Variants in ZSCAN25 observed in about 807,000 individuals in gnomAD.
The protein encoded by ZSCAN25 is zinc finger and SCAN domain containing 25.
Under a neutral mutation model 38.7 loss-of-function variants are expected in ZSCAN25, and 27 were observed. The observed-to-expected ratio is 0.70, with a 90% CI of 0.51 to 0.96. The LOEUF (loss-of-function observed/expected upper bound fraction) is 0.96. ZSCAN25 is among the 40% of genes least tolerant of loss of function. ZSCAN25 has a pLI of 0.00. For missense variants in ZSCAN25, 637 were observed against 705.9 expected, an observed-to-expected ratio of 0.90 and a Z score of 1.11; for synonymous variants, 273 against 277.7, an observed-to-expected ratio of 0.98 and a Z score of 0.17.
chr7:99,728,686 T>G, the ZSCAN25 span, among the ~76,000 whole-genome samples: 108,661 of 152,146 alleles, frequency 0.71, 44,243 homozygotes, highest in Non-Finnish European at 0.91. Flanking sequence ...CAAATGGGAC[T>G]GAACAACTTC....
At chr7:99,731,316 G>T in the ZSCAN25 span, among the ~76,000 whole-genome samples, 16 of 152,162 alleles carry the variant, frequency 1.1e-4, no homozygotes, top group Admixed American at 9.8e-4. Context: ...TTGTTCATCA[G>T]GTCCTTTCAT....
the ZSCAN25 span, among the ~76,000 whole-genome samples, chr7:99,680,476 T>C: frequency 1.3e-5 from 2 of 152,328 alleles, no homozygotes; most frequent in African/African-American, 4.8e-5. Flanking sequence ...CACAGTCCTA[T>C]TGTCCTCTTT....
chr7:99,645,764 ATGTC>A, the ZSCAN25 span, among the ~76,000 whole-genome samples: 1 of 152,184 alleles, frequency 6.6e-6, no homozygotes, highest in Non-Finnish European at 1.5e-5. Flanking sequence ...CTTTTGAAAA[ATGTC>A]TGTTCATGTC....
At chr7:99,713,212 G>A in the ZSCAN25 span, among the ~76,000 whole-genome samples, 2 of 152,170 alleles carry the variant, frequency 1.3e-5, no homozygotes, top group Non-Finnish European at 2.9e-5. Flanking sequence ...TTGATCTTAT[G>A]TAGGTGATCC....
chr7:99,709,083 TGAA>T, the ZSCAN25 span: 294 of 1,613,880 alleles, frequency 1.8e-4, no homozygotes, highest in Non-Finnish European at 2.3e-4. Flanking sequence ...TGGGTCATGA[TGAA>T]GAACATAGCT....
downstream of ZSCAN25, among the ~76,000 whole-genome samples, chr7:99,632,989 G>GTTTTTTTTTTT (rs751799800): frequency 7.8e-6 from 1 of 128,528 alleles, no homozygotes; most frequent in Non-Finnish European, 1.6e-5. Context: ...ATTTTCTGTT[G>GTTTTTTTTTTT]TTTTTTTTTT....
the ZSCAN25 span, chr7:99,665,141 GAGAA>G: frequency 6.5e-7 from 1 of 1,547,530 alleles, no homozygotes; most frequent in African/African-American, 1.4e-5. Context: ...TTTAAAAAGA[GAGAA>G]AGAAATAATA....
the ZSCAN25 span, among the ~76,000 whole-genome samples, chr7:99,646,562 T>C: frequency 2.0e-5 from 3 of 152,190 alleles, no homozygotes; most frequent in African/African-American, 7.2e-5. Flanking sequence ...CATTTCCAAA[T>C]ACCATTTAGA....
chr7:99,717,225 C>T, the ZSCAN25 span: 1 of 1,613,966 alleles, frequency 6.2e-7, no homozygotes, highest in Admixed American at 1.7e-5. Context: ...CCTCAGATTT[C>T]TCACCAACAC....
the ZSCAN25 span, chr7:99,638,108 C>A: frequency 1.8e-4 from 162 of 903,092 alleles, no homozygotes; most frequent in African/African-American, 1.9e-3. Context: ...CCTCTCCCCC[C>A]AAACTGTAGA....
the ZSCAN25 span, chr7:99,676,294 C>T: frequency 8.8e-6 from 14 of 1,596,750 alleles, no homozygotes; most frequent in South Asian, 1.2e-4. Flanking sequence ...CTGGAATGGT[C>T]AAGAGAGGGA....
the ZSCAN25 span, chr7:99,659,567 C>G: frequency 6.5e-6 from 1 of 153,542 alleles, no homozygotes; most frequent in Non-Finnish European, 1.4e-5. Context: ...AGATCTCCAG[C>G]TGTGTGCTGG....
chr7:99,646,837 C>CACAT, the ZSCAN25 span, among the ~76,000 whole-genome samples: 48 of 148,710 alleles, frequency 3.2e-4, 1 homozygote, highest in South Asian at 9.8e-3. Context: ...CACACACACA[C>CACAT]ATGCATGCTC....
chr7:99,716,185 A>C, the ZSCAN25 span, among the ~76,000 whole-genome samples: 1 of 152,204 alleles, frequency 6.6e-6, no homozygotes, highest in Non-Finnish European at 1.5e-5. Flanking sequence ...GAGATCCACT[A>C]TCAGACAACT....
At chr7:99,722,283 C>T in the ZSCAN25 span, 3 of 1,613,460 alleles carry the variant, frequency 1.9e-6, no homozygotes, top group Non-Finnish European at 2.5e-6. Flanking sequence ...ATGGAATCTT[C>T]CAGAATACTC....
the ZSCAN25 span, chr7:99,676,317 A>G: frequency 1.9e-6 from 3 of 1,573,346 alleles, no homozygotes; most frequent in South Asian, 1.1e-5. Flanking sequence ...TAATATGTAC[A>G]CGATAAATAA....
the ZSCAN25 span, among the ~76,000 whole-genome samples, chr7:99,641,166 A>G: frequency 2.0e-5 from 3 of 152,186 alleles, no homozygotes; most frequent in Admixed American, 2.0e-4. Flanking sequence ...AGACTGGGTA[A>G]TTTATAAAGG....
chr7:99,622,520 T>C (rs368877156), intron 5 of ZSCAN25, 29 bp from the exon 6 acceptor site: 98 of 1,605,438 alleles, frequency 6.1e-5, no homozygotes, highest in Non-Finnish European at 7.8e-5. Context: ...ATCCTTCTGA[T>C]CTTTCTCATG....
chr7:99,667,251 G>T, the ZSCAN25 span, among the ~76,000 whole-genome samples: 4 of 151,872 alleles, frequency 2.6e-5, no homozygotes, highest in Non-Finnish European at 5.9e-5. Context: ...TGTATGTGGG[G>T]CGGGGGTGGG....
Sources: allele counts gnomAD v4.1 joint callset (sites outside exome capture counted in the v4.1 genomes callset), GRCh38; gene constraint gnomAD v4.1.1; transcripts MANE v1.5; gene names NCBI Gene and HGNC (gene_info 2026-07-23, HGNC 2026-07-21).